ADAMTS6: variants seen among roughly 807,000 people sequenced by gnomAD.
The protein encoded by ADAMTS6 is A disintegrin and metalloproteinase with thrombospondin motifs 6.
A neutral mutation model predicts 144.3 loss-of-function variants in ADAMTS6; 23 were observed. That is an observed-to-expected ratio of 0.16 (90% CI 0.11 to 0.23). The LOEUF is 0.23. Among genes scored for constraint, ADAMTS6 ranks in the 10% least tolerant of loss-of-function variants. The probability of loss-of-function intolerance (pLI) is 1.00; values close to 1 mark genes in which losing one functional copy is unlikely to be tolerated. For missense variants in ADAMTS6, 999 were observed against 1,379.6 expected (o/e 0.72, Z 4.37); for synonymous variants, 444 against 457.5 (o/e 0.97, Z 0.38).
chr5:65,375,417 A>G (rs1005992428), intron 7 of ADAMTS6, among the ~76,000 whole-genome samples: 6 of 151,820 alleles, frequency 4.0e-5, no homozygotes, highest in African/African-American at 1.5e-4. Flanking sequence ...TTTACAAGAA[A>G]AAAACAAACA....
chr5:65,438,253 C>T (rs1291420241), intron 7 of ADAMTS6, among the ~76,000 whole-genome samples: 2 of 152,078 alleles, frequency 1.3e-5, no homozygotes, highest in Non-Finnish European at 2.9e-5. Flanking sequence ...TCTGGCCAGG[C>T]GTGGTGGCTC....
At chr5:65,474,796 CAAA>C (rs11330695) in intron 1 of ADAMTS6, among the ~76,000 whole-genome samples, 16 of 78,860 alleles carry the variant, frequency 2.0e-4, no homozygotes, top group Admixed American at 3.1e-4. Context: ...AAACTGTGAC[CAAA>C]AAAAAAAAAA....
chr5:65,471,275 T>C, intron 2 of ADAMTS6, 133 bp from the exon 3 acceptor site: 2 of 860,214 alleles, frequency 2.3e-6, no homozygotes, highest in East Asian at 3.3e-5. Flanking sequence ...GTGAGGTATG[T>C]ACAAAAAAAG....
intron 8 of ADAMTS6, among the ~76,000 whole-genome samples, chr5:65,332,343 T>C (rs1414779471): frequency 1.4e-5 from 2 of 147,192 alleles, no homozygotes; most frequent in Admixed American, 6.8e-5. Context: ...AGAGAGAGTG[T>C]ATATGTGCAA....
intron 21 of ADAMTS6, among the ~76,000 whole-genome samples, chr5:65,195,829 A>T (rs1755308412): frequency 6.6e-6 from 1 of 152,214 alleles, no homozygotes; most frequent in African/African-American, 2.4e-5. Flanking sequence ...CAGTTCATCC[A>T]ATTTCTCAAA....
intron 7 of ADAMTS6, among the ~76,000 whole-genome samples, chr5:65,370,883 C>T (rs1170451290): frequency 6.6e-6 from 1 of 152,234 alleles, no homozygotes; most frequent in Non-Finnish European, 1.5e-5. Flanking sequence ...TGTCTGACAG[C>T]TTTGAAGAGA....
intron 4 of ADAMTS6, among the ~76,000 whole-genome samples, chr5:65,455,098 A>G (rs1295771848): frequency 6.6e-6 from 1 of 152,250 alleles, no homozygotes; most frequent in Non-Finnish European, 1.5e-5. Context: ...CTGGCTAAAC[A>G]GCTTAAATGT....
At chr5:65,172,125 A>G (rs942017596) in intron 23 of ADAMTS6, among the ~76,000 whole-genome samples, 1 of 150,266 alleles carries the variant, frequency 6.7e-6, no homozygotes, top group African/African-American at 2.4e-5. Context: ...AAAAATATAT[A>G]TATTTTTGGC....
At chr5:65,308,804 T>C (rs570715742) in intron 9 of ADAMTS6, among the ~76,000 whole-genome samples, 12 of 152,272 alleles carry the variant, frequency 7.9e-5, no homozygotes, top group African/African-American at 1.2e-4. Context: ...GTTTTTTAAA[T>C]AGAAACTGAC....
intron 11 of ADAMTS6, among the ~76,000 whole-genome samples, chr5:65,274,614 T>C (rs1280176652): frequency 2.0e-5 from 3 of 152,084 alleles, no homozygotes; most frequent in Non-Finnish European, 4.4e-5. Context: ...GGGATCTCTT[T>C]GGGTTCCTCT....
intron 7 of ADAMTS6, among the ~76,000 whole-genome samples, chr5:65,374,180 T>C (rs1751273787): frequency 1.3e-5 from 2 of 152,126 alleles, no homozygotes; most frequent in African/African-American, 2.4e-5. Context: ...CTGGAAGCAT[T>C]CCCTTAGAAA....
chr5:65,188,125 T>G lies in ADAMTS6; in HGVS notation c.2801A>C (p.Glu934Ala). 1 of 1,614,138 alleles carries G rather than the reference T, an allele frequency of 6.2e-7. No homozygotes were observed. Among genetic ancestry groups the G allele is most frequent in the South Asian group, 1.1e-5 (1 of 91,080 alleles). The change falls in exon 22 of 25, where the codon GAG (glutamate) becomes GCG (alanine). Residue 934 changes from glutamate to alanine, a missense_variant. Physicochemically the swap from Glu to Ala is moderately radical, Grantham distance 107. This residue lies in a region of ADAMTS6 where 619 missense variants were observed against 837.0 expected (regional missense o/e 0.74). Transcript: ENST00000381055. ...ACCACTGTAGTCCAGCGTCTCCTCC[T>G]CAGAAGGTCCGATCTTCCTGATGCA... ...VLCIRKIGPSEEETLDYSGCL... is the reference protein window; with the variant it reads ...VLCIRKIGPSAEETLDYSGCL...
At chr5:65,260,056 C>G (rs937528695) in intron 14 of ADAMTS6, among the ~76,000 whole-genome samples, 7 of 152,050 alleles carry the variant, frequency 4.6e-5, no homozygotes, top group African/African-American at 1.7e-4. Flanking sequence ...AGAGGAAGAG[C>G]TAGTTTCCAT....
Position 65,276,466 on chromosome 5 carries a change from C to T in ADAMTS6, c.1513-3019G>A, listed in dbSNP as rs531562613. On this transcript the variant is annotated intron_variant, in intron 11 of 24. Transcript: ENST00000381055. ...TAAGAAAGATACTGGTATCCAATTT[C>T]GGAATGTTTCCCAAGACTTTTTTTT... Among the ~76,000 whole-genome samples, 152 of 152,220 alleles carry T rather than the reference C, an allele frequency of 1.0e-3. 1 individual carries two copies. The Middle Eastern group carries it at 0.031, about 31-fold the overall frequency.
At position 65,413,520 on chromosome 5, in the gene ADAMTS6, TA is replaced by T. The variant is rs1355132454; in HGVS notation, c.1073+37954del. On this transcript the variant is annotated intron_variant, in intron 7 of 24. Transcript: ENST00000381055. ...TGACTTAAAATATAAGCAATATTAT[TA>T]ATCACTCCCAACTGGCCAATTAAAT... is the stretch of plus-strand genomic sequence containing the variant. Among the ~76,000 whole-genome samples, 6 of 152,280 alleles carry T rather than the reference TA, an allele frequency of 3.9e-5. No homozygotes were observed. The East Asian group carries it at 1.2e-3, about 29-fold the overall frequency.
chr5:65,332,200 A>C (rs1221539623), intron 8 of ADAMTS6, among the ~76,000 whole-genome samples: 1 of 150,706 alleles, frequency 6.6e-6, no homozygotes, highest in African/African-American at 2.4e-5. Context: ...GTGCAAAGTA[A>C]TTTGCACCAA....
At chr5:65,465,464 A>ATT (rs58939767) in intron 3 of ADAMTS6, among the ~76,000 whole-genome samples, 1 of 152,210 alleles carries the variant, frequency 6.6e-6, no homozygotes, top group African/African-American at 2.4e-5. Flanking sequence ...AATCATTCCC[A>ATT]CTTCAAACAA....
intron 24 of ADAMTS6, among the ~76,000 whole-genome samples, chr5:65,164,001 A>G (rs1449237352): frequency 6.6e-6 from 1 of 152,186 alleles, no homozygotes; most frequent in Non-Finnish European, 1.5e-5. Context: ...TTTCCCAATG[A>G]ATAAAAAACA....
chr5:65,375,932 TA>T lies in ADAMTS6; in HGVS notation c.1074-41848del, dbSNP rs531361967. Among the ~76,000 whole-genome samples the T allele has an allele frequency of 3.3e-4, 51 of 152,268 alleles. No individual in the cohort carries two copies. In the East Asian group the frequency reaches 9.4e-3, roughly 28 times the overall value. On this transcript the variant is annotated intron_variant, in intron 7 of 24. Transcript: ENST00000381055. ...TACACCATGGAATACTATGCAGCCG[TA>T]AAAAATGATGAGTTCATGTCGTTTG...
Sources: gnomAD v4.1 joint callset for allele counts (sites outside exome capture counted in the v4.1 genomes callset) on GRCh38, gnomAD v4.1.1 for gene constraint, gnomAD v4.1.1 regional missense constraint, MANE v1.5 for transcripts, NCBI Gene and HGNC (gene_info 2026-07-23, HGNC 2026-07-21) for gene names.